The following NYNRIN variants were observed in gnomAD, a reference collection of about 807,000 sequenced individuals.
The protein encoded by NYNRIN is NYN domain and retroviral integrase containing, also known as protein NYNRIN.
In NYNRIN, 86 loss-of-function variants were observed where a neutral mutation model predicts 146.6. The ratio of observed to expected loss-of-function variants is 0.59; its 90% CI spans 0.49 to 0.70. NYNRIN has a LOEUF of 0.70. NYNRIN is among the 30% of genes least tolerant of loss of function. The pLI is 0.00. For missense variants in NYNRIN, 2,191 were observed against 2,377.7 expected (o/e 0.92, Z 1.63); for synonymous variants, 1,027 against 1,001.3 (o/e 1.03, Z -0.48).
In NYNRIN at chr14:24,399,074, C is replaced by T; in HGVS notation, c.-30C>T. The T allele has an allele frequency of 1.0e-5, 6 of 573,580 alleles. No individual in the cohort carries two copies. Among genetic ancestry groups the T allele is most frequent in the Non-Finnish European group, 1.5e-5 (5 of 341,168 alleles). The allele number at this position is 573,580 out of a possible 1,614,324, so 35.5% of individuals were successfully genotyped here. ...GACCAAGCTCCAGAGGGCGGGCGCC[C>T]GAGCCGTGCGGGGTGGGTCCCGCCG... On this transcript the variant is annotated 5_prime_UTR_variant, in exon 1 of 9. Coordinates refer to ENST00000382554, the MANE Select transcript of NYNRIN (RefSeq NM_025081.3).
In NYNRIN at chr14:24,408,969, T is replaced by G; in HGVS notation, c.1175T>G (p.Phe392Cys). 3 of 1,613,906 alleles carry G rather than the reference T, an allele frequency of 1.9e-6. No individual in the cohort carries two copies. The highest frequency in any genetic ancestry group is 2.5e-6 in the Non-Finnish European group (3 of 1,179,872). ...LLSQACFNFP[F>C]WQRPLGPIQL... ...TCCCAGGCGTGCTTCAATTTCCCCT[T>G]CTGGCAGAGACCTCTGGGCCCCATT... The change falls in exon 4 of 9, where the codon TTC (phenylalanine) becomes TGC (cysteine). Residue 392 changes from phenylalanine to cysteine, a missense_variant. Transcript: ENST00000382554.
At position 24,407,854 on chromosome 14, in the gene NYNRIN, C is replaced by G; in HGVS notation, c.199-15C>G. ...CAACGGGCTGACTTCATTGTGTTCT[C>G]CCCATTGTGCCCAGGAATACCTGAA... On this transcript the variant is annotated splice_polypyrimidine_tract_variant and intron_variant, in intron 2 of 8. Transcript: ENST00000382554. 1 of 1,583,894 alleles carries G rather than the reference C, an allele frequency of 6.3e-7. No homozygotes were observed.
Position 24,417,307 on chromosome 14 carries a change from G to C in NYNRIN, c.5558G>C (p.Gly1853Ala). The C allele has an allele frequency of 6.2e-7, 1 of 1,613,234 alleles. No individual in the cohort carries two copies. Among genetic ancestry groups the C allele is most frequent in the Non-Finnish European group, 8.5e-7 (1 of 1,179,550 alleles). ...AAATGGGTGGGTCCCTTCTATATCG[G>C]GGACCGGCTGAGCCTGTCACTCTAT... Reference protein sequence around the residue: ...SAKWVGPFYIGDRLSLSLYRI... With the variant: ...SAKWVGPFYIADRLSLSLYRI... The change falls in exon 9 of 9, where the codon GGG (glycine) becomes GCG (alanine). Residue 1853 changes from glycine (G) to alanine (A), a missense_variant. Coordinates refer to ENST00000382554, the MANE Select transcript of NYNRIN (RefSeq NM_025081.3).
At chr14:24,410,742 C>T (rs1298471238) in intron 4 of NYNRIN, among the ~76,000 whole-genome samples, 7 of 152,254 alleles carry the variant, frequency 4.6e-5, no homozygotes, top group Non-Finnish European at 1.0e-4. Context: ...ACTCCCAGCA[C>T]ACTGTCGGTG....
Position 24,407,919 on chromosome 14 carries a change from C to T in NYNRIN, c.249C>T (p.Tyr83=). The T allele has an allele frequency of 6.2e-7, 1 of 1,613,720 alleles. No individual in the cohort carries two copies. The highest frequency in any genetic ancestry group is 1.7e-5 in the Admixed American group (1 of 59,986). ...CSPELWKEVR[Y]PPILHCAFLG... is the part of the protein sequence containing the mutation. ...CAGAGCTGTGGAAAGAGGTTCGCTA[C>T]CCACCGATCCTGCACTGTGCCTTCC... Residue 83 remains tyrosine, a synonymous_variant, in exon 3 of 9, where the codon TAC becomes TAT. Coordinates refer to ENST00000382554, the MANE Select transcript of NYNRIN (RefSeq NM_025081.3).
Position 24,409,297 on chromosome 14 carries a change from G to A in NYNRIN, c.1503G>A (p.Met501Ile), listed in dbSNP as rs1202493172. Residue 501 changes from methionine to isoleucine, a missense_variant, in exon 4 of 9, where the codon ATG (methionine) becomes ATA (isoleucine). Transcript: ENST00000382554. ...AGGEPGDQGS[M>I]QLDFKGLEEG... ...GTGAGCCGGGGGATCAAGGGAGTAT[G>A]CAGTTAGATTTTAAGGGACTGGAAG... 2.5e-6 allele frequency: 4 copies of A among 1,613,924 alleles called. No individual in the cohort carries two copies. Among genetic ancestry groups the A allele is most frequent in the Non-Finnish European group, 3.4e-6 (4 of 1,179,896 alleles).
chr14:24,406,361 C>A (rs553721084), intron 2 of NYNRIN, among the ~76,000 whole-genome samples: 2 of 152,058 alleles, frequency 1.3e-5, no homozygotes, highest in Non-Finnish European at 2.9e-5. Flanking sequence ...TGTTGTTTTC[C>A]GGTCATTGAA....
intron 2 of NYNRIN, among the ~76,000 whole-genome samples, chr14:24,400,240 AC>A (rs1189456578): frequency 6.6e-6 from 1 of 152,120 alleles, no homozygotes; most frequent in Non-Finnish European, 1.5e-5. Context: ...TGGACCTTGG[AC>A]AGGCCAGATC....
Position 24,415,324 on chromosome 14 carries a change from C to T in NYNRIN, c.3575C>T (p.Pro1192Leu), listed in dbSNP as rs751558441. ...RKHPIAYTSKPLLPDEESQGP... is the reference protein window; with the variant it reads ...RKHPIAYTSKLLLPDEESQGP... ...CACCCCATAGCCTATACCTCAAAACCCCTCCTCCCTGATGAGGAGAGCCAG... is the reference window on the plus strand; with the variant it reads ...CACCCCATAGCCTATACCTCAAAACTCCTCCTCCCTGATGAGGAGAGCCAG... Residue 1192 changes from proline (P) to leucine (L), a missense_variant, in exon 9 of 9, where the codon CCC becomes CTC. Coordinates refer to ENST00000382554, the MANE Select transcript of NYNRIN (RefSeq NM_025081.3). 6.2e-7 allele frequency: 1 copy of T among 1,613,952 alleles called. No individual in the cohort carries two copies. The highest frequency in any genetic ancestry group is 8.5e-7 in the Non-Finnish European group (1 of 1,179,870).
chr14:24,408,703 A>G lies in NYNRIN; in HGVS notation c.909A>G (p.Thr303=). 6.2e-7 allele frequency: 1 copy of G among 1,613,596 alleles called. No individual in the cohort carries two copies. The highest frequency in any genetic ancestry group is 8.5e-7 in the Non-Finnish European group (1 of 1,179,670). The change falls in exon 4 of 9, where the codon ACA becomes ACG. Residue 303 remains threonine, a synonymous_variant. Transcript: ENST00000382554. ...DGMDSAQEEG[T]VQATSSQDST... is the part of the protein sequence containing the mutation. ...TGGACAGTGCTCAAGAGGAAGGGAC[A>G]GTGCAAGCCACCAGCAGCCAGGACT...
At chr14:24,402,720 C>T (rs11621792) in intron 2 of NYNRIN, among the ~76,000 whole-genome samples, 48,916 of 151,986 alleles carry the variant, frequency 0.32, 9,675 homozygotes, top group Middle Eastern at 0.58. Context: ...TCAAGGTTAC[C>T]CCCCACCCCC....
rs1198849770 is a variant in NYNRIN at position 24,415,673 on chromosome 14, C to T, written c.3924C>T (p.Val1308=). ...LPPFSDLSTF[V]CIHMSGYCFY... Reference sequence around the variant, plus strand: ...CTTTCTCTGACCTGTCCACGTTCGTCTGCATCCACATGTCGGGCTACTGCT... The same window carrying T: ...CTTTCTCTGACCTGTCCACGTTCGTTTGCATCCACATGTCGGGCTACTGCT... The change falls in exon 9 of 9, where the codon GTC becomes GTT. Residue 1308 remains valine, a synonymous_variant. Coordinates refer to ENST00000382554, the MANE Select transcript of NYNRIN (RefSeq NM_025081.3). 6.2e-7 allele frequency: 1 copy of T among 1,613,928 alleles called. No individual in the cohort carries two copies. The highest frequency in any genetic ancestry group is 1.3e-5 in the African/African-American group (1 of 74,936).
At chr14:24,408,597 T>C (rs1269438675) in intron 3 of NYNRIN, 55 bp from the exon 4 acceptor site, 4 of 1,537,746 alleles carry the variant, frequency 2.6e-6, no homozygotes, top group East Asian at 4.6e-5. Context: ...GAAATAGTAA[T>C]AGTTTGGGAC....
At chr14:24,406,620 C>T (rs572703999) in intron 2 of NYNRIN, among the ~76,000 whole-genome samples, 23 of 152,286 alleles carry the variant, frequency 1.5e-4, no homozygotes, top group African/African-American at 3.1e-4. Flanking sequence ...AGGCCTGAGC[C>T]GGGAAAGATG....
At position 24,416,921 on chromosome 14, in the gene NYNRIN, G is replaced by A; in HGVS notation, c.5172G>A (p.Arg1724=). Residue 1724 remains arginine (R), a synonymous_variant, in exon 9 of 9, where the codon AGG becomes AGA. Coordinates refer to ENST00000382554, the MANE Select transcript of NYNRIN (RefSeq NM_025081.3). ...CAGGGGCCTACTGGGAATTCAAGAG[G>A]GCCCTCAAGGAGTTCATCTTCCTGC... ...TSSGAYWEFK[R]ALKEFIFLHG... 6.3e-7 allele frequency: 1 copy of A among 1,597,108 alleles called. No individual in the cohort carries two copies. The highest frequency in any genetic ancestry group is 1.1e-5 in the South Asian group (1 of 89,456).
chr14:24,411,116 A>G lies in NYNRIN; in HGVS notation c.2455A>G (p.Met819Val). Residue 819 changes from methionine to valine, a missense_variant, in exon 5 of 9, where the codon ATG becomes GTG. By Grantham distance (21) the Met-to-Val change is conservative. This residue lies in a region of NYNRIN where 1,291 missense variants were observed against 1,417.0 expected (regional missense o/e 0.91). Coordinates refer to ENST00000382554, the MANE Select transcript of NYNRIN (RefSeq NM_025081.3). The surrounding 1 kb of genome is among the most constrained non-coding windows in gnomAD (Gnocchi z 4.3). ...CTTCTTCTCCTGCCGAGGAATTGCC[A>G]TGGCAGTGCAGTTTTTCTGGAACCG... Reference protein sequence around the residue: ...QHFFSCRGIAMAVQFFWNRGH... With the variant: ...QHFFSCRGIAVAVQFFWNRGH... The G allele has an allele frequency of 6.2e-7, 1 of 1,613,492 alleles. No individual in the cohort carries two copies. The highest frequency in any genetic ancestry group is 8.5e-7 in the Non-Finnish European group (1 of 1,179,710).
At position 24,408,763 on chromosome 14, in the gene NYNRIN, G is replaced by A. The variant is rs113119792; in HGVS notation, c.969G>A (p.Arg323=). ...ACACACAAGCCTTGTTGAAGCAAAG[G>A]CAGGTCCAGAAGATAGAAGATAAAC... is the stretch of plus-strand genomic sequence containing the variant. ...TNHTQALLKQ[R]QVQKIEDKLL... The change falls in exon 4 of 9, where the codon AGG becomes AGA. Residue 323 remains arginine (R), a synonymous_variant. Coordinates refer to ENST00000382554, the MANE Select transcript of NYNRIN (RefSeq NM_025081.3). The A allele has an allele frequency of 5.6e-6, 9 of 1,613,858 alleles. No individual in the cohort carries two copies. The highest frequency in any genetic ancestry group is 4.0e-5 in the African/African-American group (3 of 74,930).
In NYNRIN at chr14:24,418,228, G is replaced by A. The variant is rs2042961751; in HGVS notation, c.*782G>A. 11 of 456,084 alleles carry A rather than the reference G, an allele frequency of 2.4e-5. No homozygotes were observed. Among genetic ancestry groups the A allele is most frequent in the South Asian group, 1.5e-4 (10 of 64,532 alleles). 28.3% of individuals were successfully genotyped at this position (456,084 alleles called of 1,614,324 possible). On this transcript the variant is annotated 3_prime_UTR_variant, in exon 9 of 9. Coordinates refer to ENST00000382554, the MANE Select transcript of NYNRIN (RefSeq NM_025081.3). ...TGGTGTTGACCCCACAGGAATCAAG[G>A]ATCTTGATGCCAAGTGTGGCATCTC...
At position 24,417,786 on chromosome 14, in the gene NYNRIN, G is replaced by T; in HGVS notation, c.*340G>T. 3.9e-6 allele frequency: 1 copy of T among 256,442 alleles called. No individual in the cohort carries two copies. 15.9% of individuals were successfully genotyped at this position (256,442 alleles called of 1,614,324 possible). The stretch of plus-strand genomic sequence containing the variant: ...CCTTCACATGTAGGTGTGTGGTGGT[G>T]TGCACACACACTCACGAAAGAATCT... On this transcript the variant is annotated 3_prime_UTR_variant, in exon 9 of 9. Transcript: ENST00000382554.
Sources: allele counts gnomAD v4.1 joint callset (sites outside exome capture counted in the v4.1 genomes callset), GRCh38; gene constraint gnomAD v4.1.1; regional missense constraint gnomAD v4.1.1; non-coding constraint Gnocchi (gnomAD v3.1); transcripts MANE v1.5; gene names NCBI Gene and HGNC (gene_info 2026-07-23, HGNC 2026-07-21).